The following MBD5 variants were observed in gnomAD, a reference collection of about 807,000 sequenced individuals.
MBD5 encodes the protein methyl-CpG-binding domain protein 5.
A neutral mutation model predicts 117.3 loss-of-function variants in MBD5; 13 were observed. That is an observed-to-expected ratio of 0.11 (90% CI 0.07 to 0.18). The LOEUF (loss-of-function observed/expected upper bound fraction) is 0.18, where lower values mean the gene tolerates loss of function less well. Among genes scored for constraint, MBD5 ranks in the 10% least tolerant of loss-of-function variants. The pLI, the probability that MBD5 is intolerant of heterozygous loss-of-function variation, is 1.00. For synonymous variants in MBD5, 727 were observed against 766.4 expected, an observed-to-expected ratio of 0.95 and a Z score of 0.85; for missense variants, 1,879 against 2,093.8, an observed-to-expected ratio of 0.90 and a Z score of 2.00.
At chr2:148,109,468 A>T (rs1696455609) in intron 1 of MBD5, among the ~76,000 whole-genome samples, 1 of 152,226 alleles carries the variant, frequency 6.6e-6, no homozygotes, top group Non-Finnish European at 1.5e-5. Context: ...TAGCCATGAT[A>T]TATAGCAATT....
chr2:148,461,762 G>A (rs1707089988), intron 5 of MBD5, among the ~76,000 whole-genome samples: 1 of 152,146 alleles, frequency 6.6e-6, no homozygotes, highest in Admixed American at 6.5e-5. Flanking sequence ...AAAAATCAGA[G>A]ACATCTCTTG....
intron 4 of MBD5, among the ~76,000 whole-genome samples, chr2:148,359,409 C>T (rs376109669): frequency 9.2e-5 from 14 of 152,020 alleles, no homozygotes; most frequent in African/African-American, 3.4e-4. Flanking sequence ...GTGCTATATA[C>T]CCATTTTTAA....
chr2:148,277,742 C>T (rs1701149284), intron 3 of MBD5, among the ~76,000 whole-genome samples: 1 of 152,046 alleles, frequency 6.6e-6, no homozygotes, highest in African/African-American at 2.4e-5. Context: ...TGTCCTCTTT[C>T]TTCTTTCTTA....
At chr2:148,112,257 C>T (rs376511913) in intron 1 of MBD5, among the ~76,000 whole-genome samples, 49 of 152,086 alleles carry the variant, frequency 3.2e-4, no homozygotes, top group African/African-American at 1.1e-3. Context: ...TGTTTGTGTA[C>T]GCACACATGC....
intron 4 of MBD5, chr2:148,347,116 A>C (rs548098827): frequency 6.6e-6 from 1 of 152,146 alleles, no homozygotes; most frequent in South Asian, 2.1e-4. Flanking sequence ...CATGTTTTAC[A>C]TCTGCCATAG....
intron 1 of MBD5, among the ~76,000 whole-genome samples, chr2:148,043,778 A>G (rs1694442193): frequency 6.6e-6 from 1 of 152,234 alleles, no homozygotes; most frequent in Non-Finnish European, 1.5e-5. Context: ...TTAGAAATAC[A>G]TATTTTAGAT....
intron 4 of MBD5, among the ~76,000 whole-genome samples, chr2:148,411,125 C>T (rs1470910648): frequency 6.6e-6 from 1 of 152,144 alleles, no homozygotes; most frequent in East Asian, 1.9e-4. Flanking sequence ...ATTTTCTGTT[C>T]CTGCATTAGT....
intron 3 of MBD5, among the ~76,000 whole-genome samples, chr2:148,288,172 A>G (rs4390718): frequency 0.57 from 82,620 of 145,492 alleles, 23,911 homozygotes; most frequent in East Asian, 0.82. Flanking sequence ...AGGCCGAGGC[A>G]GGCGGATCAC....
chr2:148,485,578 C>T, intron 9 of MBD5, 164 bp from the exon 10 acceptor site: 1 of 626,314 alleles, frequency 1.6e-6, no homozygotes, highest in East Asian at 2.7e-5. Context: ...AATAAAGCTA[C>T]TCTTTCCTTA....
At chr2:148,080,457 T>A (rs1695620180) in intron 1 of MBD5, among the ~76,000 whole-genome samples, 2 of 152,158 alleles carry the variant, frequency 1.3e-5, no homozygotes, top group African/African-American at 4.8e-5. Context: ...TTCATGATAA[T>A]ATGAAAACAA....
chr2:148,098,742 G>A (rs532794234), intron 1 of MBD5, among the ~76,000 whole-genome samples: 1 of 152,118 alleles, frequency 6.6e-6, no homozygotes, highest in South Asian at 2.1e-4. Flanking sequence ...AACCATTGAT[G>A]TAGGGGTTAG....
chr2:148,241,197 C>T (rs1044542364), intron 3 of MBD5, among the ~76,000 whole-genome samples: 2 of 151,846 alleles, frequency 1.3e-5, no homozygotes, highest in Non-Finnish European at 1.5e-5. Flanking sequence ...AGAGTATTGA[C>T]CTTTTTTCTA....
At chr2:148,427,362 C>T (rs900794312) in intron 4 of MBD5, among the ~76,000 whole-genome samples, 37 of 152,104 alleles carry the variant, frequency 2.4e-4, no homozygotes, top group Non-Finnish European at 4.6e-4. Flanking sequence ...CGTATGTTTA[C>T]TGCGGCACTA....
intron 2 of MBD5, among the ~76,000 whole-genome samples, chr2:148,231,229 C>A (rs1267997578): frequency 6.6e-6 from 1 of 152,162 alleles, no homozygotes; most frequent in Non-Finnish European, 1.5e-5. Flanking sequence ...AAGTTTGGAC[C>A]ACTGGGATTG....
At chr2:148,071,121 G>T (rs996698936) in intron 1 of MBD5, 4 of 151,996 alleles carry the variant, frequency 2.6e-5, no homozygotes, top group African/African-American at 9.7e-5. Flanking sequence ...GAAAGTGCCG[G>T]AATTACAGGT....
intron 4 of MBD5, among the ~76,000 whole-genome samples, chr2:148,426,178 C>T (rs1181828286): frequency 6.6e-6 from 1 of 152,162 alleles, no homozygotes; most frequent in Non-Finnish European, 1.5e-5. Flanking sequence ...AAGAACATTC[C>T]GTGCTCATGG....
chr2:148,224,817 C>A (rs1699780070), intron 2 of MBD5, among the ~76,000 whole-genome samples: 1 of 151,812 alleles, frequency 6.6e-6, no homozygotes, highest in Non-Finnish European at 1.5e-5. Flanking sequence ...AACATAGTGA[C>A]TTTTTTTGTC....
At chr2:148,502,163 T>C (rs1018022352) in intron 11 of MBD5, among the ~76,000 whole-genome samples, 1 of 152,228 alleles carries the variant, frequency 6.6e-6, no homozygotes, top group African/African-American at 2.4e-5. Flanking sequence ...AATTGAAGGT[T>C]GTTTAAATTC....
chr2:148,239,074 G>A (rs961165532), intron 3 of MBD5, among the ~76,000 whole-genome samples: 1 of 151,584 alleles, frequency 6.6e-6, no homozygotes, highest in African/African-American at 2.4e-5. Context: ...GTATATATGT[G>A]TGGGTGTCTG....
Sources: allele counts gnomAD v4.1 joint callset (sites outside exome capture counted in the v4.1 genomes callset), GRCh38; gene constraint gnomAD v4.1.1; transcripts MANE v1.5; gene names NCBI Gene and HGNC (gene_info 2026-07-23, HGNC 2026-07-21).